Variants in TEAD1 observed in about 807,000 individuals in gnomAD.
TEAD1 encodes the protein TEA domain transcription factor 1.
Under a neutral mutation model 54.9 loss-of-function variants are expected in TEAD1, and 9 were observed. The observed-to-expected ratio is 0.16, with a 90% CI of 0.10 to 0.29. The LOEUF is 0.29. TEAD1 is among the 10% of genes least tolerant of loss of function. TEAD1 has a pLI of 1.00. For synonymous variants in TEAD1, 200 were observed against 187.8 expected (o/e 1.07, Z -0.53); for missense variants, 387 against 535.9 (o/e 0.72, Z 2.74).
At chr11:12,844,205 A>G (rs1484852153) in intron 3 of TEAD1, among the ~76,000 whole-genome samples, 2 of 152,188 alleles carry the variant, frequency 1.3e-5, no homozygotes, top group Non-Finnish European at 2.9e-5. Flanking sequence ...ATTTAGTTAC[A>G]AGGTCTTTAT....
intron 2 of TEAD1, among the ~76,000 whole-genome samples, chr11:12,725,181 C>T (rs918823964): frequency 6.6e-6 from 1 of 152,074 alleles, no homozygotes; most frequent in Non-Finnish European, 1.5e-5. Flanking sequence ...TATTGTTACC[C>T]CACTTTATGG....
intron 2 of TEAD1, among the ~76,000 whole-genome samples, chr11:12,710,646 C>T (rs1159452353): frequency 6.6e-6 from 1 of 152,078 alleles, no homozygotes; most frequent in African/African-American, 2.4e-5. Flanking sequence ...GTTGTAGGCA[C>T]TGGGATGACA....
Position 12,726,554 on chromosome 11 carries a change from G to GGA in TEAD1, c.-54-37625_-54-37624insGA, listed in dbSNP as rs1554925533. On this transcript the variant is annotated intron_variant, in intron 2 of 12. Transcript: ENST00000527636. ...GAATTTCAAAGACTTAGTATGGGGG[G>GGA]AAAAAAAGTAAAACACATCATGAAC... is the stretch of plus-strand genomic sequence containing the variant. Among the ~76,000 whole-genome samples, 158 of 151,936 alleles carry GGA rather than the reference G, an allele frequency of 1.0e-3. 2 individuals carry two copies. The highest frequency in any genetic ancestry group is 3.3e-3 in the African/African-American group (136 of 41,424).
At chr11:12,774,869 C>T (rs1158119924) in intron 3 of TEAD1, among the ~76,000 whole-genome samples, 1 of 151,756 alleles carries the variant, frequency 6.6e-6, no homozygotes, top group Non-Finnish European at 1.5e-5. Context: ...AGACACGGGG[C>T]CTGATGGAGG....
At chr11:12,719,247 ACT>A (rs1294903773) in intron 2 of TEAD1, among the ~76,000 whole-genome samples, 1 of 151,814 alleles carries the variant, frequency 6.6e-6, no homozygotes, top group Non-Finnish European at 1.5e-5. Flanking sequence ...GGGACCTTTG[ACT>A]CTGCCTAGTG....
At chr11:12,688,383 A>G (rs771266025) in intron 2 of TEAD1, among the ~76,000 whole-genome samples, 1 of 152,144 alleles carries the variant, frequency 6.6e-6, no homozygotes, top group South Asian at 2.1e-4. Flanking sequence ...GGTTGATACA[A>G]TCTTTTCCTC....
chr11:12,730,494 G>T (rs1487768573), intron 2 of TEAD1, among the ~76,000 whole-genome samples: 3 of 142,052 alleles, frequency 2.1e-5, no homozygotes, highest in Non-Finnish European at 4.5e-5. Flanking sequence ...GAGAGAGGTA[G>T]GTCTTAAAAA....
At chr11:12,677,832 T>A (rs749643092) in intron 2 of TEAD1, among the ~76,000 whole-genome samples, 11 of 152,214 alleles carry the variant, frequency 7.2e-5, no homozygotes, top group Admixed American at 2.6e-4. Context: ...TACGTGGTGG[T>A]CATACAAGAG....
intron 3 of TEAD1, among the ~76,000 whole-genome samples, chr11:12,827,034 C>T (rs927991319): frequency 1.3e-5 from 2 of 152,194 alleles, no homozygotes; most frequent in African/African-American, 4.8e-5. Flanking sequence ...AAGAATACCT[C>T]TGGGTGCTGG....
intron 3 of TEAD1, among the ~76,000 whole-genome samples, chr11:12,829,457 T>G (rs2134015232): frequency 6.6e-6 from 1 of 152,352 alleles, no homozygotes; most frequent in Admixed American, 6.5e-5. Flanking sequence ...TAGTGTCAAC[T>G]GAGACTAATG....
chr11:12,904,834 T>C, intron 10 of TEAD1: 1 of 355,114 alleles, frequency 2.8e-6, no homozygotes, highest in Non-Finnish European at 5.4e-6. Context: ...TGCAGTATCG[T>C]ACATGATCAC....
At chr11:12,851,679 A>T (rs1664077573) in intron 3 of TEAD1, among the ~76,000 whole-genome samples, 1 of 152,068 alleles carries the variant, frequency 6.6e-6, no homozygotes, top group Non-Finnish European at 1.5e-5. Flanking sequence ...GGGCAACTGT[A>T]ATCCCAGCTA....
Position 12,937,137 on chromosome 11 carries a change from C to G in TEAD1, c.1196C>G (p.Thr399Ser). 1 of 1,613,854 alleles carries G rather than the reference C, an allele frequency of 6.2e-7. No homozygotes were observed. The highest frequency in any genetic ancestry group is 8.5e-7 in the Non-Finnish European group (1 of 1,179,934). Residue 399 changes from threonine (T) to serine (S), a missense_variant, in exon 13 of 13, where the codon ACT becomes AGT. Around this residue, in one of 5 missense-constraint regions of TEAD1, gnomAD observed 123 missense variants for 199.0 expected, o/e 0.62. Transcript: ENST00000527636. ...GTAACAAACAGGGATACACAAGAAA[C>G]TCTACTCTGCATGGCCTGTGTGTTT...
chr11:12,815,942 C>G (rs544603161), intron 3 of TEAD1, among the ~76,000 whole-genome samples: 4 of 152,206 alleles, frequency 2.6e-5, no homozygotes, highest in Non-Finnish European at 5.9e-5. Flanking sequence ...TAGAGCTAAT[C>G]CTTTTAAATT....
At chr11:12,678,556 G>A (rs775427330) in intron 2 of TEAD1, among the ~76,000 whole-genome samples, 11 of 152,160 alleles carry the variant, frequency 7.2e-5, no homozygotes, top group Admixed American at 2.6e-4. Context: ...GGTAATTCAG[G>A]TCCATCCTAC....
chr11:12,675,974 G>A (rs897909725), intron 2 of TEAD1, among the ~76,000 whole-genome samples: 1 of 152,174 alleles, frequency 6.6e-6, no homozygotes, highest in Admixed American at 6.5e-5. Context: ...CTTCTTAGAA[G>A]CAAGTGGCTT....
intron 12 of TEAD1, among the ~76,000 whole-genome samples, chr11:12,934,544 AAAAT>A (rs575687713): frequency 3.1e-4 from 47 of 152,106 alleles, no homozygotes; most frequent in Admixed American, 9.8e-4. Flanking sequence ...AGTATAATAA[AAAAT>A]AAATAAATAA....
chr11:12,845,118 C>T (rs983313233), intron 3 of TEAD1, among the ~76,000 whole-genome samples: 5 of 151,870 alleles, frequency 3.3e-5, no homozygotes, highest in Admixed American at 6.6e-5. Flanking sequence ...GCACCCACTA[C>T]CATGCCCGGC....
intron 9 of TEAD1, among the ~76,000 whole-genome samples, chr11:12,893,079 T>C (rs1262117476): frequency 1.3e-5 from 2 of 152,194 alleles, no homozygotes; most frequent in Admixed American, 6.5e-5. Flanking sequence ...AGCTCAAAAA[T>C]AGCAGAGCCT....
Sources: gnomAD v4.1 joint callset for allele counts (sites outside exome capture counted in the v4.1 genomes callset) on GRCh38, gnomAD v4.1.1 for gene constraint, gnomAD v4.1.1 regional missense constraint, MANE v1.5 for transcripts, NCBI Gene and HGNC (gene_info 2026-07-23, HGNC 2026-07-21) for gene names.